The following SPEF2 variants were observed in gnomAD, a reference collection of about 807,000 sequenced individuals.
SPEF2 encodes sperm flagellar and cilia associated 2.
In SPEF2, 187 loss-of-function variants were observed where a neutral mutation model predicts 224.6. The observed-to-expected ratio is 0.83, with a 90% CI of 0.74 to 0.94. The LOEUF (loss-of-function observed/expected upper bound fraction) is 0.94. Ranked by LOEUF, SPEF2 falls within the 40% of genes least tolerant of loss-of-function variation. SPEF2 has a pLI of 0.00. For missense variants in SPEF2, 2,170 were observed against 2,135.6 expected, an observed-to-expected ratio of 1.02 and a Z score of -0.32; for synonymous variants, 715 against 707.3, an observed-to-expected ratio of 1.01 and a Z score of -0.17.
intron 31 of SPEF2, among the ~76,000 whole-genome samples, chr5:35,792,884 A>G (rs570321881): frequency 6.6e-6 from 1 of 152,352 alleles, no homozygotes. Flanking sequence ...TCTGTTGGAA[A>G]GGTACAAAGT....
At chr5:35,778,685 A>G (rs1406872007) in intron 29 of SPEF2, among the ~76,000 whole-genome samples, 3 of 152,248 alleles carry the variant, frequency 2.0e-5, no homozygotes, top group Non-Finnish European at 4.4e-5. Context: ...GATTCACTTT[A>G]TAATTCATCC....
At chr5:35,742,047 TG>T (rs1747732353) in intron 23 of SPEF2, among the ~76,000 whole-genome samples, 1 of 152,236 alleles carries the variant, frequency 6.6e-6, no homozygotes, top group Admixed American at 6.5e-5. Context: ...TAGTCAATGG[TG>T]GTTGTTTTTA....
At chr5:35,781,181 A>G (rs545335694) in intron 30 of SPEF2, 3 of 152,082 alleles carry the variant, frequency 2.0e-5, no homozygotes, top group Middle Eastern at 3.4e-3. Context: ...AAAGCAGAGT[A>G]AAAGGAAACC....
intron 24 of SPEF2, among the ~76,000 whole-genome samples, chr5:35,754,030 A>C (rs1042506925): frequency 1.8e-4 from 28 of 152,200 alleles, no homozygotes; most frequent in African/African-American, 6.5e-4. Context: ...AGAAAGCCAC[A>C]GTAGAAATAG....
intron 8 of SPEF2, among the ~76,000 whole-genome samples, chr5:35,664,144 G>A (rs1750106820): frequency 6.6e-6 from 1 of 152,016 alleles, no homozygotes; most frequent in Non-Finnish European, 1.5e-5. Context: ...ATACCCCATG[G>A]TCTTGCCCTA....
chr5:35,789,309 C>T, intron 30 of SPEF2: 1 of 703,342 alleles, frequency 1.4e-6, no homozygotes, highest in Non-Finnish European at 2.6e-6. Flanking sequence ...AATAGAAATT[C>T]CTCAATTGCT....
At chr5:35,706,720 A>T (rs183639087) in intron 18 of SPEF2, among the ~76,000 whole-genome samples, 10 of 152,280 alleles carry the variant, frequency 6.6e-5, no homozygotes. Context: ...AAAATTGCCC[A>T]TAGACATAAA....
At chr5:35,678,156 C>A (rs930172539) in intron 10 of SPEF2, among the ~76,000 whole-genome samples, 2 of 152,200 alleles carry the variant, frequency 1.3e-5, no homozygotes, top group African/African-American at 4.8e-5. Context: ...TTAAACATGC[C>A]TGTTTTCGTA....
chr5:35,625,819 GGAAGGA>G (rs1417768042), intron 1 of SPEF2, among the ~76,000 whole-genome samples: 1 of 152,136 alleles, frequency 6.6e-6, no homozygotes, highest in African/African-American at 2.4e-5. Context: ...GGTCTGTAAG[GGAAGGA>G]GAAAGCTGCA....
At chr5:35,777,664 CAAATAAATAAATAAATAAATAAATAAAT>C (rs35899152) in intron 29 of SPEF2, among the ~76,000 whole-genome samples, 1 of 143,984 alleles carries the variant, frequency 6.9e-6, no homozygotes, top group African/African-American at 2.6e-5. Flanking sequence ...AAATGTGATA[CAAATAAATAAATAAATAAATAAATAAAT>C]AAATAAATAA....
chr5:35,695,947 T>A, intron 14 of SPEF2, 151 bp downstream of exon 14: 1 of 518,142 alleles, frequency 1.9e-6, no homozygotes. Context: ...CTCACCTGAC[T>A]TTACTTAGCA....
At chr5:35,680,123 C>T (rs1276998879) in intron 10 of SPEF2, among the ~76,000 whole-genome samples, 1 of 152,076 alleles carries the variant, frequency 6.6e-6, no homozygotes, top group Admixed American at 6.6e-5. Context: ...CTCTTTCCTC[C>T]CTGTTAAGTC....
Position 35,799,962 on chromosome 5 carries a change from G to T in SPEF2, c.4831-6G>T. ...ATTTTATCTTTGGAATTCTTTTTGT[G>T]TGCAGTTTTTCTTTAGGCTATTTGC... On this transcript the variant is annotated splice_polypyrimidine_tract_variant and splice_region_variant and intron_variant, in intron 33 of 36. Transcript: ENST00000356031. 2 of 1,613,358 alleles carry T rather than the reference G, an allele frequency of 1.2e-6. No individual in the cohort carries two copies. The highest frequency in any genetic ancestry group is 2.7e-5 in the African/African-American group (2 of 74,930).
chr5:35,694,004 A>G (rs1320803948), intron 12 of SPEF2, among the ~76,000 whole-genome samples: 2 of 152,184 alleles, frequency 1.3e-5, no homozygotes, highest in African/African-American at 4.8e-5. Context: ...TATCTTTTCA[A>G]AATAGTAGTT....
At chr5:35,788,334 G>C in intron 30 of SPEF2, 1 of 702,980 alleles carries the variant, frequency 1.4e-6, no homozygotes, top group Non-Finnish European at 2.6e-6. Context: ...GATATGAAAG[G>C]TGTTGATATT....
chr5:35,634,937 T>C (rs1271232217), intron 2 of SPEF2, among the ~76,000 whole-genome samples: 1 of 152,046 alleles, frequency 6.6e-6, no homozygotes, highest in Non-Finnish European at 1.5e-5. Context: ...GCATATCATA[T>C]TGTATCTCCT....
rs6451206 is a variant in SPEF2 at position 35,700,496 on chromosome 5, T to C, written c.2142T>C (p.Asn714=). Residue 714 remains asparagine (N), a splice_region_variant and synonymous_variant, in exon 16 of 37, where the codon AAT becomes AAC. Transcript: ENST00000356031. ...LLVDIIVNAI[N]EIPVNQDCIL... ...CATGAGTTGTCCTGTTTCAATTTAG[T>C]GAGATACCTGTGAATCAAGACTGTA... is the stretch of plus-strand genomic sequence containing the variant. The C allele has an allele frequency of 0.53, 855,757 of 1,606,028 alleles. 232,276 individuals carry two copies. Among genetic ancestry groups the C allele is most frequent in the Middle Eastern group, 0.58 (3,519 of 6,036 alleles).
intron 10 of SPEF2, among the ~76,000 whole-genome samples, chr5:35,677,227 G>A (rs1752151784): frequency 6.6e-6 from 1 of 152,150 alleles, no homozygotes; most frequent in Non-Finnish European, 1.5e-5. Context: ...AATAGCAGTA[G>A]ACAGGTGAAT....
chr5:35,802,865 T>TC (rs1323077271), intron 34 of SPEF2, among the ~76,000 whole-genome samples: 4 of 151,988 alleles, frequency 2.6e-5, no homozygotes, highest in Non-Finnish European at 4.4e-5. Flanking sequence ...GGATGAGAAG[T>TC]CATTGGAAGG....
Sources: gnomAD v4.1 joint callset for allele counts (sites outside exome capture counted in the v4.1 genomes callset) on GRCh38, gnomAD v4.1.1 for gene constraint, MANE v1.5 for transcripts, NCBI Gene and HGNC (gene_info 2026-07-23, HGNC 2026-07-21) for gene names.